Variants in PPFIA2 observed in about 807,000 individuals in gnomAD.
PPFIA2 encodes PPFI scaffold protein A2.
Under a neutral mutation model 175.5 loss-of-function variants are expected in PPFIA2, and 46 were observed. The ratio of observed to expected loss-of-function variants is 0.26; its 90% CI spans 0.21 to 0.34. PPFIA2 has a LOEUF of 0.34. PPFIA2 is among the 10% of genes least tolerant of loss of function. PPFIA2 has a pLI of 1.00. For missense variants in PPFIA2, 1,179 were observed against 1,506.1 expected, an observed-to-expected ratio of 0.78 and a Z score of 3.60; for synonymous variants, 568 against 511.4, an observed-to-expected ratio of 1.11 and a Z score of -1.49.
At chr12:81,354,187 A>C (rs577731734) in intron 16 of PPFIA2, among the ~76,000 whole-genome samples, 34 of 152,302 alleles carry the variant, frequency 2.2e-4, no homozygotes, top group Admixed American at 4.6e-4. Context: ...AACATAAGAC[A>C]ACAATGAAAT....
At chr12:81,494,022 G>T (rs1173558435) in intron 4 of PPFIA2, among the ~76,000 whole-genome samples, 1 of 151,670 alleles carries the variant, frequency 6.6e-6, no homozygotes, top group Non-Finnish European at 1.5e-5. Flanking sequence ...TACCATTCAG[G>T]ACAGGCATGG....
chr12:81,652,829 T>C (rs1045731781), intron 4 of PPFIA2, among the ~76,000 whole-genome samples: 1 of 152,130 alleles, frequency 6.6e-6, no homozygotes, highest in African/African-American at 2.4e-5. Context: ...AGAATTCACC[T>C]ACGCCAAACT....
chr12:81,306,972 T>C (rs950620259), intron 22 of PPFIA2, among the ~76,000 whole-genome samples: 1 of 152,196 alleles, frequency 6.6e-6, no homozygotes, highest in Non-Finnish European at 1.5e-5. Flanking sequence ...ATTATCTAAT[T>C]ACCTTTCCTT....
chr12:81,719,640 CTTAGT>C (rs567328188), intron 3 of PPFIA2, among the ~76,000 whole-genome samples: 6 of 151,578 alleles, frequency 4.0e-5, no homozygotes, highest in African/African-American at 1.4e-4. Flanking sequence ...CTTTATATAT[CTTAGT>C]TTAATTAAAT....
At chr12:81,363,829 G>A (rs2032005614) in intron 14 of PPFIA2, among the ~76,000 whole-genome samples, 1 of 151,748 alleles carries the variant, frequency 6.6e-6, no homozygotes, top group African/African-American at 2.4e-5. Context: ...ATAAACTAAT[G>A]TGTTGCTTTA....
rs541618459 is a variant in PPFIA2, at chr12:81,334,287, G to C, written c.2548+4893C>G. On this transcript the variant is annotated intron_variant, in intron 21 of 32. Coordinates refer to ENST00000549396, the MANE Select transcript of PPFIA2 (RefSeq NM_003625.5). ...GGGCCAAAAATATAGTGAAGTTTTA[G>C]TTTTAAGTATAAAGTTTGTATTTGT... 2.0e-5 allele frequency among the ~76,000 whole-genome samples: 3 copies of C among 152,192 alleles called. No homozygotes were observed. In the East Asian group the frequency reaches 5.8e-4, roughly 29 times the overall value.
At chr12:81,757,507 T>C (rs1004171034) in intron 2 of PPFIA2, among the ~76,000 whole-genome samples, 2 of 152,228 alleles carry the variant, frequency 1.3e-5, no homozygotes, top group Non-Finnish European at 2.9e-5. Flanking sequence ...ATTGTTAATT[T>C]TGTTGAGAAA....
chr12:81,644,699 G>C (rs955358637), intron 4 of PPFIA2, among the ~76,000 whole-genome samples: 2 of 152,004 alleles, frequency 1.3e-5, no homozygotes, highest in African/African-American at 4.8e-5. Context: ...ACATGGTTAA[G>C]CATGTGTTCC....
intron 28 of PPFIA2, among the ~76,000 whole-genome samples, chr12:81,269,264 A>G (rs1253214663): frequency 6.9e-6 from 1 of 144,656 alleles, no homozygotes; most frequent in Non-Finnish European, 1.6e-5. Context: ...ACTTAAGGGG[A>G]TATGAGAAAA....
At chr12:81,473,235 T>C (rs2057005443) in intron 4 of PPFIA2, among the ~76,000 whole-genome samples, 1 of 151,944 alleles carries the variant, frequency 6.6e-6, no homozygotes, top group African/African-American at 2.4e-5. Flanking sequence ...TGGTGAAACC[T>C]TGTCTCTACC....
chr12:81,380,711 C>G (rs533328003), intron 9 of PPFIA2, among the ~76,000 whole-genome samples: 1 of 152,024 alleles, frequency 6.6e-6, no homozygotes, highest in Non-Finnish European at 1.5e-5. Flanking sequence ...TCCGTGCTGC[C>G]GAGGAGGGAA....
intron 4 of PPFIA2, among the ~76,000 whole-genome samples, chr12:81,477,031 G>A (rs934925734): frequency 2.6e-5 from 4 of 151,960 alleles, no homozygotes; most frequent in African/African-American, 9.7e-5. Context: ...ACACAGGGAG[G>A]GGAACACACA....
intron 7 of PPFIA2, among the ~76,000 whole-genome samples, chr12:81,409,852 C>T (rs1039977623): frequency 6.6e-6 from 1 of 152,068 alleles, no homozygotes; most frequent in Non-Finnish European, 1.5e-5. Flanking sequence ...GGGTATGATT[C>T]ATATTTAACA....
chr12:81,408,867 A>G (rs1449389829), intron 7 of PPFIA2, among the ~76,000 whole-genome samples: 2 of 152,216 alleles, frequency 1.3e-5, no homozygotes, highest in South Asian at 2.1e-4. Flanking sequence ...TATTTTCTCC[A>G]ATAACAAATT....
chr12:81,674,320 T>C (rs1364103283), intron 4 of PPFIA2, among the ~76,000 whole-genome samples: 1 of 152,038 alleles, frequency 6.6e-6, no homozygotes, highest in East Asian at 1.9e-4. Flanking sequence ...AATGAAAACA[T>C]CATCATAGAA....
At chr12:81,342,835 C>T (rs542837996) in intron 19 of PPFIA2, among the ~76,000 whole-genome samples, 51 of 152,062 alleles carry the variant, frequency 3.4e-4, no homozygotes, top group African/African-American at 1.2e-3. Context: ...TTTGTCCTCC[C>T]TGCCAGCCAA....
At chr12:81,588,864 T>C (rs1432645381) in intron 4 of PPFIA2, among the ~76,000 whole-genome samples, 2 of 152,190 alleles carry the variant, frequency 1.3e-5, no homozygotes, top group Admixed American at 6.6e-5. Context: ...GTGTATTAAA[T>C]ACTTTATATC....
intron 4 of PPFIA2, among the ~76,000 whole-genome samples, chr12:81,488,018 A>G (rs1333933635): frequency 6.6e-6 from 1 of 151,944 alleles, no homozygotes; most frequent in East Asian, 1.9e-4. Context: ...ATAGTTAGTT[A>G]GTGGATACAT....
intron 4 of PPFIA2, among the ~76,000 whole-genome samples, chr12:81,650,852 A>C (rs2066921041): frequency 6.6e-6 from 1 of 152,196 alleles, no homozygotes; most frequent in African/African-American, 2.4e-5. Flanking sequence ...CATATGGCCA[A>C]AGACTGAATT....
Sources: gnomAD v4.1 joint callset for allele counts (sites outside exome capture counted in the v4.1 genomes callset) on GRCh38, gnomAD v4.1.1 for gene constraint, MANE v1.5 for transcripts, NCBI Gene and HGNC (gene_info 2026-07-23, HGNC 2026-07-21) for gene names.